Variants in CASP4 observed in about 807,000 individuals in gnomAD.
CASP4 encodes the protein caspase-4.
A neutral mutation model predicts 41.3 loss-of-function variants in CASP4; 29 were observed. The observed-to-expected ratio is 0.70, with a 90% CI of 0.52 to 0.96. The LOEUF is 0.96. CASP4 is among the 40% of genes least tolerant of loss of function. CASP4 has a pLI of 0.00. For missense variants in CASP4, 447 were observed against 460.6 expected (o/e 0.97, Z 0.27); for synonymous variants, 185 against 158.4 (o/e 1.17, Z -1.26).
At chr11:104,961,416 G>A (rs138346647) in intron 1 of CASP4, among the ~76,000 whole-genome samples, 91 of 152,252 alleles carry the variant, frequency 6.0e-4, no homozygotes, top group Admixed American at 1.3e-3. Context: ...CAGGGTGTTA[G>A]GATTGGTGAA....
chr11:104,946,677 C>A (rs1860468863), intron 7 of CASP4: 1 of 153,330 alleles, frequency 6.5e-6, no homozygotes, highest in South Asian at 2.0e-4. Flanking sequence ...GTATCCATAT[C>A]TCCCACGAAA....
chr11:104,944,456 G>A (rs967503815), intron 8 of CASP4: 7 of 314,236 alleles, frequency 2.2e-5, no homozygotes, highest in African/African-American at 1.3e-4. Context: ...AGTAATGGAA[G>A]CATGAGCATG....
chr11:104,953,261 C>T (rs546821871), intron 2 of CASP4, among the ~76,000 whole-genome samples: 36 of 152,208 alleles, frequency 2.4e-4, no homozygotes, highest in South Asian at 2.1e-3. Context: ...GAGACTCCAA[C>T]TGCAGATAGA....
intron 8 of CASP4, chr11:104,944,486 T>C: frequency 2.6e-6 from 1 of 385,194 alleles, no homozygotes. Context: ...TAATAATTAC[T>C]ATCCTTGGTT....
chr11:104,948,145 A>G (rs1860509045), intron 6 of CASP4: 1 of 152,958 alleles, frequency 6.5e-6, no homozygotes, highest in Non-Finnish European at 1.5e-5. Flanking sequence ...TACTTGTTTT[A>G]AAGGGTATCC....
chr11:104,951,204 C>T lies in CASP4; in HGVS notation c.373-106G>A, dbSNP rs569796277. The T allele has an allele frequency of 1.7e-5, 15 of 901,018 alleles. No homozygotes were observed. In the South Asian group the frequency reaches 2.4e-4, roughly 14 times the overall value. 55.8% of individuals were successfully genotyped at this position (901,018 alleles called of 1,614,324 possible). ...CAAGTCTTCATGCAGCTCCTCTCTGCTCTAACTTGTATCAAAAGACACTGA... is the reference window on the plus strand; with the variant it reads ...CAAGTCTTCATGCAGCTCCTCTCTGTTCTAACTTGTATCAAAAGACACTGA... On this transcript the variant is annotated intron_variant, in intron 3 of 8. Coordinates refer to ENST00000444739, the MANE Select transcript of CASP4 (RefSeq NM_001225.4).
At chr11:104,968,171 T>G (rs1388861427) in intron 1 of CASP4, among the ~76,000 whole-genome samples, 1 of 152,186 alleles carries the variant, frequency 6.6e-6, no homozygotes, top group Non-Finnish European at 1.5e-5. Flanking sequence ...GTTTGTGATC[T>G]GGGCAATTAA....
At chr11:104,948,712 C>T (rs1347286718) in intron 5 of CASP4, 36 bp from the exon 6 acceptor site, 18 of 1,531,434 alleles carry the variant, frequency 1.2e-5, no homozygotes, top group Non-Finnish European at 3.5e-6. Context: ...ACTGCTGTGC[C>T]TCCCACAGAA....
At chr11:104,965,677 A>G (rs573515275) in intron 1 of CASP4, among the ~76,000 whole-genome samples, 1 of 152,320 alleles carries the variant, frequency 6.6e-6, no homozygotes, top group South Asian at 2.1e-4. Context: ...CCTTTTCTCG[A>G]AAAGACCCTC....
At chr11:104,965,869 C>T (rs570326046) in intron 1 of CASP4, among the ~76,000 whole-genome samples, 12 of 152,268 alleles carry the variant, frequency 7.9e-5, no homozygotes, top group African/African-American at 2.9e-4. Context: ...TCAGACGCTG[C>T]ACTCAATGGA....
At position 104,968,505 on chromosome 11, in the gene CASP4, A is replaced by T; in HGVS notation, c.7+14T>A. 1.2e-6 allele frequency: 2 copies of T among 1,612,002 alleles called. No homozygotes were observed. Among genetic ancestry groups the T allele is most frequent in the Non-Finnish European group, 1.7e-6 (2 of 1,178,134 alleles). On this transcript the variant is annotated intron_variant, in intron 1 of 8. Transcript: ENST00000444739. ...AGTTCCTACTCCCAAACTCCTAGTC[A>T]GAAAAGGACTCACCTGCCATAGGGA...
rs150869769 is a variant in CASP4, at chr11:104,945,252, CTT to C, written c.1036-403_1036-402del. ...AATTTAATCCCAGTATCTTATCTTTCTTTTTTTTTTTTTTTTTTAAGATGGAG... is the reference window on the plus strand; with the variant it reads ...AATTTAATCCCAGTATCTTATCTTTCTTTTTTTTTTTTTTTTAAGATGGAG... On this transcript the variant is annotated intron_variant, in intron 7 of 8. Transcript: ENST00000444739. 2.3e-3 allele frequency among the ~76,000 whole-genome samples: 328 copies of C among 142,334 alleles called. 1 individual carries two copies. Among genetic ancestry groups the C allele is most frequent in the Middle Eastern group, 0.018 (5 of 278 alleles). 93.4% of individuals were successfully genotyped at this position (142,334 alleles called of 152,430 possible).
At chr11:104,949,147 A>G in intron 5 of CASP4, 1 of 280,064 alleles carries the variant, frequency 3.6e-6, no homozygotes, top group East Asian at 8.3e-5. Flanking sequence ...AATAATTATA[A>G]GAAAAAGGGA....
At chr11:104,961,305 G>T (rs886778315) in intron 1 of CASP4, among the ~76,000 whole-genome samples, 3 of 152,234 alleles carry the variant, frequency 2.0e-5, no homozygotes, top group Non-Finnish European at 4.4e-5. Context: ...GCATTGAAGG[G>T]TGTCTGGATT....
chr11:104,961,205 C>T lies in CASP4; in HGVS notation c.8-6204G>A, dbSNP rs78174681. On this transcript the variant is annotated intron_variant, in intron 1 of 8. Coordinates refer to ENST00000444739, the MANE Select transcript of CASP4 (RefSeq NM_001225.4). ...TCTCCACTGGCAGGCACTGCCAACCCAATGTGCATGCATTTAATTGCAACG... is the reference window on the plus strand; with the variant it reads ...TCTCCACTGGCAGGCACTGCCAACCTAATGTGCATGCATTTAATTGCAACG... Among the ~76,000 whole-genome samples, 242 of 152,326 alleles carry T rather than the reference C, an allele frequency of 1.6e-3. 1 individual carries two copies. The highest frequency in any genetic ancestry group is 5.5e-3 in the African/African-American group (227 of 41,576).
intron 1 of CASP4, among the ~76,000 whole-genome samples, chr11:104,961,498 C>T (rs1258095820): frequency 1.3e-5 from 2 of 151,854 alleles, no homozygotes; most frequent in East Asian, 3.9e-4. Context: ...GTGTCTGTAG[C>T]CCCATTGCAG....
intron 7 of CASP4, among the ~76,000 whole-genome samples, chr11:104,945,876 T>G (rs1343392592): frequency 6.6e-6 from 1 of 152,058 alleles, no homozygotes; most frequent in African/African-American, 2.4e-5. Context: ...AGACAGGGTC[T>G]TACTCTGTCA....
At chr11:104,946,361 G>A (rs551211402) in intron 7 of CASP4, among the ~76,000 whole-genome samples, 5 of 152,144 alleles carry the variant, frequency 3.3e-5, no homozygotes, top group Middle Eastern at 3.2e-3. Context: ...TGCCAGGTTT[G>A]TTGAATTGCT....
intron 5 of CASP4, chr11:104,949,132 C>A: frequency 3.7e-6 from 1 of 271,456 alleles, no homozygotes; most frequent in East Asian, 8.7e-5. Flanking sequence ...ACTAATTTCC[C>A]CCTCAATAAT....
Sources: gnomAD v4.1 joint callset for allele counts (sites outside exome capture counted in the v4.1 genomes callset) on GRCh38, gnomAD v4.1.1 for gene constraint, MANE v1.5 for transcripts, NCBI Gene and HGNC (gene_info 2026-07-23, HGNC 2026-07-21) for gene names.